DCDC1: variants seen among roughly 807,000 people sequenced by gnomAD.
DCDC1 encodes doublecortin domain-containing protein 1.
DCDC1 carries 200 observed loss-of-function variants against 178.3 expected under a neutral mutation model. The ratio of observed to expected loss-of-function variants is 1.12; its 90% CI spans 1.00 to 1.26. The LOEUF is 1.26. Ranked by LOEUF, DCDC1 falls within the 50% of genes most tolerant of loss-of-function variation. The pLI, the probability that DCDC1 is intolerant of heterozygous loss-of-function variation, is 0.00. For synonymous variants in DCDC1, 690 were observed against 604.8 expected, an observed-to-expected ratio of 1.14 and a Z score of -2.07; for missense variants, 1,983 against 1,749.2, an observed-to-expected ratio of 1.13 and a Z score of -2.38.
At chr11:31,219,847 C>A (rs1208628853) in intron 9 of DCDC1, among the ~76,000 whole-genome samples, 1 of 152,060 alleles carries the variant, frequency 6.6e-6, no homozygotes, top group Non-Finnish European at 1.5e-5. Flanking sequence ...TATAATCTCA[C>A]AACAATCCTA....
chr11:31,185,171 A>G (rs1303982686), intron 9 of DCDC1, among the ~76,000 whole-genome samples: 2 of 152,216 alleles, frequency 1.3e-5, no homozygotes, highest in Non-Finnish European at 2.9e-5. Context: ...AGAAAATCAA[A>G]CACTGCGTGT....
At chr11:30,968,306 G>C (rs917889998) in intron 20 of DCDC1, among the ~76,000 whole-genome samples, 3 of 152,106 alleles carry the variant, frequency 2.0e-5, no homozygotes, top group African/African-American at 7.2e-5. Context: ...ACAGTGTCTA[G>C]CCCATAGGAC....
At chr11:30,989,133 A>G in intron 20 of DCDC1, among the ~76,000 whole-genome samples, 1 of 152,070 alleles carries the variant, frequency 6.6e-6, no homozygotes, top group East Asian at 1.9e-4. Context: ...ACAAAATAAG[A>G]GGGGGGGCAG....
chr11:31,018,074 ACCAC>A (rs1419264992), intron 20 of DCDC1, among the ~76,000 whole-genome samples: 2 of 152,066 alleles, frequency 1.3e-5, no homozygotes, highest in Non-Finnish European at 2.9e-5. Context: ...AAAAACTGTC[ACCAC>A]CCACCAGAAA....
At chr11:31,213,455 A>C (rs576806015) in intron 9 of DCDC1, among the ~76,000 whole-genome samples, 3 of 152,030 alleles carry the variant, frequency 2.0e-5, no homozygotes, top group South Asian at 2.1e-4. Flanking sequence ...GCGGTGGCTT[A>C]TCATGTCTGT....
chr11:31,125,920 TA>T (rs905138972), intron 11 of DCDC1, among the ~76,000 whole-genome samples: 13 of 150,478 alleles, frequency 8.6e-5, no homozygotes, highest in African/African-American at 1.5e-4. Context: ...CCCTAGAACT[TA>T]AAAAAAAATT....
intron 9 of DCDC1, among the ~76,000 whole-genome samples, chr11:31,240,600 C>G (rs1307298161): frequency 6.6e-6 from 1 of 151,960 alleles, no homozygotes; most frequent in East Asian, 1.9e-4. Context: ...TCAAAATATT[C>G]ATTTTTCAGC....
At chr11:31,186,580 G>A (rs1458462446) in intron 9 of DCDC1, among the ~76,000 whole-genome samples, 1 of 152,092 alleles carries the variant, frequency 6.6e-6, no homozygotes, top group Admixed American at 6.5e-5. Context: ...CTGACCATGG[G>A]CACCACTGCC....
At chr11:30,916,745 A>G in intron 26 of DCDC1, 125 bp downstream of exon 26, 2 of 1,136,542 alleles carry the variant, frequency 1.8e-6, no homozygotes, top group Non-Finnish European at 2.3e-6. Flanking sequence ...CATAAGACAA[A>G]AATGTGCATG....
rs143259244 is a variant in DCDC1 at position 31,042,524 on chromosome 11, G to A, written c.2591+21945C>T. On this transcript the variant is annotated intron_variant, in intron 20 of 38. Transcript: ENST00000684477. ...TCCCTGTCTTCATTTTTAGTAGCAG[G>A]ATACTGAGGTTCCCTAAAGCATAGT... Among the ~76,000 whole-genome samples, 301 of 151,920 alleles carry A rather than the reference G, an allele frequency of 2.0e-3. 1 individual carries two copies. Among genetic ancestry groups the A allele is most frequent in the African/African-American group, 7.0e-3 (289 of 41,442 alleles).
chr11:31,145,770 G>A (rs534249094), intron 9 of DCDC1, among the ~76,000 whole-genome samples: 6 of 152,278 alleles, frequency 3.9e-5, no homozygotes, highest in South Asian at 2.1e-4. Flanking sequence ...AACAACTTAC[G>A]ATGTTTTATT....
At chr11:31,199,908 T>TGA (rs1269789336) in intron 9 of DCDC1, among the ~76,000 whole-genome samples, 1 of 152,136 alleles carries the variant, frequency 6.6e-6, no homozygotes, top group Non-Finnish European at 1.5e-5. Flanking sequence ...TACATGTTTT[T>TGA]GAAAAATACT....
chr11:30,905,537 A>G (rs1220089602), intron 30 of DCDC1, among the ~76,000 whole-genome samples: 1 of 152,182 alleles, frequency 6.6e-6, no homozygotes, highest in Non-Finnish European at 1.5e-5. Context: ...GGATGATTCC[A>G]CCATATGGTG....
chr11:31,064,077 G>C (rs1010411605), intron 20 of DCDC1, among the ~76,000 whole-genome samples: 6 of 152,102 alleles, frequency 3.9e-5, no homozygotes, highest in Non-Finnish European at 7.4e-5. Flanking sequence ...ACTTAACCTT[G>C]AGTCCAAATA....
intron 7 of DCDC1, among the ~76,000 whole-genome samples, chr11:31,289,839 G>T (rs11031343): frequency 0.23 from 35,597 of 151,802 alleles, 4,234 homozygotes; most frequent in East Asian, 0.3. Context: ...AAACAAAGGT[G>T]TCCAAGGCCT....
chr11:30,959,041 A>G (rs1026055797), intron 20 of DCDC1, among the ~76,000 whole-genome samples: 1 of 152,162 alleles, frequency 6.6e-6, no homozygotes, highest in Non-Finnish European at 1.5e-5. Flanking sequence ...TGGGTAAAGT[A>G]ACTCACACTA....
intron 17 of DCDC1, among the ~76,000 whole-genome samples, chr11:31,085,399 A>T (rs1016707412): frequency 3.3e-5 from 5 of 151,948 alleles, no homozygotes; most frequent in African/African-American, 4.8e-5. Context: ...TCCCTTCCCC[A>T]TCATCCTATC....
intron 9 of DCDC1, among the ~76,000 whole-genome samples, chr11:31,226,281 G>A (rs560403455): frequency 2.2e-4 from 33 of 150,610 alleles, no homozygotes; most frequent in Admixed American, 2.1e-3. Context: ...AAAAGGACTG[G>A]AAAAAAAATA....
intron 20 of DCDC1, among the ~76,000 whole-genome samples, chr11:30,963,918 C>T (rs1321426824): frequency 6.6e-6 from 1 of 152,048 alleles, no homozygotes; most frequent in Non-Finnish European, 1.5e-5. Flanking sequence ...TCATGTGTTT[C>T]TGCCACCATT....
Sources: gnomAD v4.1 joint callset for allele counts (sites outside exome capture counted in the v4.1 genomes callset) on GRCh38, gnomAD v4.1.1 for gene constraint, MANE v1.5 for transcripts, NCBI Gene and HGNC (gene_info 2026-07-23, HGNC 2026-07-21) for gene names.